Variants in EFHC1 observed in about 807,000 individuals in gnomAD.
EFHC1 encodes the protein EF-hand domain containing 1, also known as EF-hand domain-containing protein 1.
A neutral mutation model predicts 69.9 loss-of-function variants in EFHC1; 53 were observed. That is an observed-to-expected ratio of 0.76 (90% CI 0.61 to 0.95). EFHC1 has a LOEUF of 0.95. Ranked by LOEUF, EFHC1 falls within the 40% of genes least tolerant of loss-of-function variation. The pLI is 0.00. For missense variants in EFHC1, 739 were observed against 798.7 expected, an observed-to-expected ratio of 0.93 and a Z score of 0.90; for synonymous variants, 256 against 278.4, an observed-to-expected ratio of 0.92 and a Z score of 0.80.
Position 52,469,417 on chromosome 6 carries a change from G to T in EFHC1, c.1222G>T (p.Asp408Tyr), listed in dbSNP as rs770406158. The part of the protein sequence containing the change: ...FALIPKAPKK[D>Y]VIKMLVNDNK... ...TCTCATTCCAAAAGCTCCAAAAAAA[G>T]ACGTTATTAAAATGCTGGTGAATGA... The change falls in exon 7 of 11, where the codon GAC becomes TAC. Residue 408 changes from aspartate (D) to tyrosine (Y), a missense_variant. By Grantham distance (160) the Asp-to-Tyr change is radical (BLOSUM62 -3). Transcript: ENST00000371068. 1 of 1,614,018 alleles carries T rather than the reference G, an allele frequency of 6.2e-7. No individual in the cohort carries two copies. The highest frequency in any genetic ancestry group is 8.5e-7 in the Non-Finnish European group (1 of 1,179,950).
intron 2 of EFHC1, among the ~76,000 whole-genome samples, chr6:52,424,566 C>G (rs1225758734): frequency 6.6e-6 from 1 of 152,180 alleles, no homozygotes; most frequent in Non-Finnish European, 1.5e-5. Context: ...AACAATGACT[C>G]CATCTATTGT....
chr6:52,430,457 T>G (rs1764391202), intron 2 of EFHC1: 1 of 152,208 alleles, frequency 6.6e-6, no homozygotes, highest in African/African-American at 2.4e-5. Context: ...CTGCATCTAT[T>G]GAGATGATCG....
chr6:52,450,242 A>C (rs1390509759), intron 3 of EFHC1, among the ~76,000 whole-genome samples: 2 of 152,156 alleles, frequency 1.3e-5, no homozygotes, highest in Non-Finnish European at 1.5e-5. Flanking sequence ...TCGATTTTAG[A>C]ATATGTGCCA....
chr6:52,469,553 A>G, intron 7 of EFHC1, 80 bp downstream of exon 7: 1 of 1,571,378 alleles, frequency 6.4e-7, no homozygotes, highest in Non-Finnish European at 8.7e-7. Context: ...TGTAAGCTGT[A>G]GATTAACAGC....
intron 2 of EFHC1, among the ~76,000 whole-genome samples, chr6:52,427,857 A>G (rs1336995933): frequency 6.6e-6 from 1 of 152,152 alleles, no homozygotes; most frequent in African/African-American, 2.4e-5. Flanking sequence ...ATATTTATGC[A>G]GCATTTCCCC....
intron 3 of EFHC1, among the ~76,000 whole-genome samples, chr6:52,440,429 C>T (rs1343552450): frequency 6.6e-6 from 1 of 152,000 alleles, no homozygotes; most frequent in African/African-American, 2.4e-5. Flanking sequence ...ACCCTTTAAA[C>T]AGCAAAATCA....
intron 6 of EFHC1, among the ~76,000 whole-genome samples, chr6:52,465,459 C>G (rs953287272): frequency 1.3e-5 from 2 of 151,864 alleles, no homozygotes; most frequent in African/African-American, 4.8e-5. Flanking sequence ...AATTTGTTGT[C>G]TATTTTATTT....
chr6:52,440,789 C>T (rs1449564648), intron 3 of EFHC1, among the ~76,000 whole-genome samples: 2 of 152,142 alleles, frequency 1.3e-5, no homozygotes, highest in Non-Finnish European at 2.9e-5. Flanking sequence ...ACAACCTTGA[C>T]AGCACCTGTT....
intron 5 of EFHC1, among the ~76,000 whole-genome samples, chr6:52,459,354 G>A (rs529578750): frequency 6.6e-6 from 1 of 152,240 alleles, no homozygotes; most frequent in South Asian, 2.1e-4. Context: ...TATATAAAGT[G>A]GCTCTTAAAA....
intron 3 of EFHC1, 138 bp from the exon 4 acceptor site, chr6:52,452,550 C>T (rs375912259): frequency 3.2e-6 from 3 of 932,664 alleles, no homozygotes; most frequent in Non-Finnish European, 5.0e-6. Flanking sequence ...AGTCCTCCTA[C>T]CTCAGCCTCC....
rs1554262447 is a variant in EFHC1 at position 52,493,385 on chromosome 6, T to TATATATATATATATA, written c.*1044_*1045insATATATATATATATA. 2.8e-5 allele frequency: 6 copies of TATATATATATATATA among 210,618 alleles called. No homozygotes were observed. The highest frequency in any genetic ancestry group is 1.2e-4 in the East Asian group (1 of 8,414). The allele number at this position is 210,618 out of a possible 1,614,324, so 13.0% of individuals were successfully genotyped here. A position where few individuals can be genotyped will look rare whatever the true frequency, so the allele number is the denominator to read the frequency against. ...CTCTACATATATATATATATATATA[T>TATATATATATATATA]TTTATATGTACACATTCATACACAC... On this transcript the variant is annotated 3_prime_UTR_variant, in exon 11 of 11. Coordinates refer to ENST00000371068, the MANE Select transcript of EFHC1 (RefSeq NM_018100.4).
At chr6:52,485,064 G>A (rs1765758373) in intron 9 of EFHC1, 1 of 151,800 alleles carries the variant, frequency 6.6e-6, no homozygotes, top group Non-Finnish European at 1.5e-5. Flanking sequence ...CTCATTTCAT[G>A]GACACATCTT....
At chr6:52,427,860 A>C (rs1764334763) in intron 2 of EFHC1, among the ~76,000 whole-genome samples, 1 of 152,080 alleles carries the variant, frequency 6.6e-6, no homozygotes. Context: ...TTTATGCAGC[A>C]TTTCCCCCCT....
Position 52,492,191 on chromosome 6 carries a change from A to T in EFHC1, c.1852-79A>T, listed in dbSNP as rs191644295. Reference sequence around the variant, plus strand: ...TGATTTACAAAGGCTCGGGATCATTATGCATAAGCGCACTCTGCAGTTGAG... The same window carrying T: ...TGATTTACAAAGGCTCGGGATCATTTTGCATAAGCGCACTCTGCAGTTGAG... On this transcript the variant is annotated intron_variant, in intron 10 of 10. Coordinates refer to ENST00000371068, the MANE Select transcript of EFHC1 (RefSeq NM_018100.4). 129 of 1,243,718 alleles carry T rather than the reference A, an allele frequency of 1.0e-4. No homozygotes were observed. In the East Asian group the frequency reaches 2.6e-3, roughly 25 times the overall value. The allele number at this position is 1,243,718 out of a possible 1,614,324, so 77.0% of individuals were successfully genotyped here. A position where few individuals can be genotyped will look rare whatever the true frequency, so the allele number is the denominator to read the frequency against.
rs918345894 is a variant in EFHC1 at position 52,478,078 on chromosome 6, A to G, written c.1279-959A>G. 1.2e-4 allele frequency among the ~76,000 whole-genome samples: 18 copies of G among 152,346 alleles called. 1 individual carries two copies. Among genetic ancestry groups the G allele is most frequent in the South Asian group, 2.1e-4 (1 of 4,834 alleles). On this transcript the variant is annotated intron_variant, in intron 7 of 10. Transcript: ENST00000371068. ...TAAGAAAATGTGGCACATATACACCATGGAATACTATGCAGCCATAAAATT... is the reference window on the plus strand; with the variant it reads ...TAAGAAAATGTGGCACATATACACCGTGGAATACTATGCAGCCATAAAATT...
intron 9 of EFHC1, chr6:52,486,826 T>A (rs1349949768): frequency 2.0e-5 from 3 of 152,242 alleles, no homozygotes; most frequent in Non-Finnish European, 4.4e-5. Flanking sequence ...TGACTTTTTT[T>A]AATGACTGCT....
At chr6:52,438,760 C>T (rs1258671779) in intron 3 of EFHC1, among the ~76,000 whole-genome samples, 169 bp downstream of exon 3, 1 of 152,102 alleles carries the variant, frequency 6.6e-6, no homozygotes, top group Non-Finnish European at 1.5e-5. Flanking sequence ...TGTGCCAACA[C>T]TAATAGTAAC....
At chr6:52,491,611 T>G (rs1293807200) in intron 10 of EFHC1, among the ~76,000 whole-genome samples, 1 of 152,232 alleles carries the variant, frequency 6.6e-6, no homozygotes, top group African/African-American at 2.4e-5. Flanking sequence ...ACTTGAGACA[T>G]CTCTACGACA....
At chr6:52,487,425 C>T (rs1191937732) in intron 9 of EFHC1, 1 of 152,204 alleles carries the variant, frequency 6.6e-6, no homozygotes, top group Non-Finnish European at 1.5e-5. Context: ...GGTCCTTTTG[C>T]TTGCCTTCTC....
Sources: allele counts gnomAD v4.1 joint callset (sites outside exome capture counted in the v4.1 genomes callset), GRCh38; gene constraint gnomAD v4.1.1; transcripts MANE v1.5; gene names NCBI Gene and HGNC (gene_info 2026-07-23, HGNC 2026-07-21).